DACH1: variants seen among roughly 807,000 people sequenced by gnomAD.
DACH1 encodes dachshund homolog 1.
Under a neutral mutation model 54.2 loss-of-function variants are expected in DACH1, and 12 were observed. The ratio of observed to expected loss-of-function variants is 0.22; its 90% CI spans 0.14 to 0.36. The LOEUF is 0.36. DACH1 is among the 10% of genes least tolerant of loss of function. DACH1 has a pLI of 1.00. For synonymous variants in DACH1, 386 were observed against 366.2 expected, an observed-to-expected ratio of 1.05 and a Z score of -0.62; for missense variants, 805 against 929.8, an observed-to-expected ratio of 0.87 and a Z score of 1.75.
At chr13:71,588,026 C>T (rs1046210127) in intron 3 of DACH1, among the ~76,000 whole-genome samples, 8 of 151,924 alleles carry the variant, frequency 5.3e-5, no homozygotes, top group East Asian at 3.9e-4. Flanking sequence ...CATGTGACAC[C>T]GTAAGTAATA....
intron 6 of DACH1, among the ~76,000 whole-genome samples, chr13:71,519,700 T>A (rs188188805): frequency 1.3e-5 from 2 of 151,024 alleles, no homozygotes; most frequent in East Asian, 3.9e-4. Flanking sequence ...AGATTTTTAA[T>A]GTTTTTATTA....
intron 1 of DACH1, among the ~76,000 whole-genome samples, chr13:71,819,894 G>T (rs890449566): frequency 1.3e-5 from 2 of 151,864 alleles, no homozygotes; most frequent in East Asian, 3.9e-4. Context: ...TGTGACAAAG[G>T]GTACTCGGGG....
intron 1 of DACH1, among the ~76,000 whole-genome samples, chr13:71,821,123 T>C (rs750413426): frequency 3.9e-5 from 6 of 152,218 alleles, no homozygotes. Context: ...GTATCTGGAA[T>C]GATAGCCGCA....
chr13:71,476,156 A>G (rs1490672719), intron 8 of DACH1, among the ~76,000 whole-genome samples: 1 of 152,198 alleles, frequency 6.6e-6, no homozygotes, highest in Non-Finnish European at 1.5e-5. Context: ...TGATAAAGGA[A>G]GCTTGATTAA....
chr13:71,840,584 C>T (rs1872770578), intron 1 of DACH1, among the ~76,000 whole-genome samples: 1 of 152,184 alleles, frequency 6.6e-6, no homozygotes, highest in South Asian at 2.1e-4. Flanking sequence ...TAGGCCTTTG[C>T]ATATTTATGT....
chr13:71,806,822 A>G (rs1401030598), intron 1 of DACH1, among the ~76,000 whole-genome samples: 1 of 152,202 alleles, frequency 6.6e-6, no homozygotes, highest in East Asian at 1.9e-4. Context: ...ATTTATTTAA[A>G]TTAGATCCAA....
chr13:71,555,234 G>A (rs942286850), intron 6 of DACH1, among the ~76,000 whole-genome samples: 9 of 152,066 alleles, frequency 5.9e-5, no homozygotes, highest in African/African-American at 2.2e-4. Context: ...CAACCCTAGT[G>A]GAGAATGATT....
intron 5 of DACH1, among the ~76,000 whole-genome samples, chr13:71,557,619 C>G (rs1161326116): frequency 6.6e-6 from 1 of 151,894 alleles, no homozygotes; most frequent in African/African-American, 2.4e-5. Context: ...ACATCAACAA[C>G]AAGTAATATT....
chr13:71,851,911 A>G (rs1364861123), intron 1 of DACH1, among the ~76,000 whole-genome samples: 1 of 152,186 alleles, frequency 6.6e-6, no homozygotes, highest in African/African-American at 2.4e-5. Context: ...AAAAGTTGAT[A>G]TGTGGTTTAG....
At chr13:71,815,978 G>A (rs971891508) in intron 1 of DACH1, among the ~76,000 whole-genome samples, 173 of 151,922 alleles carry the variant, frequency 1.1e-3, no homozygotes, top group African/African-American at 3.8e-3. Flanking sequence ...CCAGCTACTC[G>A]GGAGGCTGAG....
chr13:71,685,411 C>G (rs994993324), intron 1 of DACH1, among the ~76,000 whole-genome samples: 2 of 152,068 alleles, frequency 1.3e-5, no homozygotes, highest in South Asian at 4.2e-4. Flanking sequence ...GATGCCTTTG[C>G]GAAGAATGAA....
chr13:71,627,661 G>A (rs142542579), intron 3 of DACH1, among the ~76,000 whole-genome samples: 3 of 152,170 alleles, frequency 2.0e-5, no homozygotes, highest in Admixed American at 2.0e-4. Context: ...AGCACATCCT[G>A]TTATGACTGC....
chr13:71,624,404 T>G (rs2138551969), intron 3 of DACH1, among the ~76,000 whole-genome samples: 1 of 152,050 alleles, frequency 6.6e-6, no homozygotes, highest in East Asian at 1.9e-4. Context: ...TTAATTAAAC[T>G]ACTTATATAT....
chr13:71,484,985 G>T (rs113513626), intron 7 of DACH1, among the ~76,000 whole-genome samples: 2 of 151,952 alleles, frequency 1.3e-5, no homozygotes, highest in Admixed American at 6.6e-5. Flanking sequence ...TCACTTGAGA[G>T]GCGGAAGTTG....
At chr13:71,456,189 TTAATA>T (rs1227992192) in intron 10 of DACH1, among the ~76,000 whole-genome samples, 1 of 152,092 alleles carries the variant, frequency 6.6e-6, no homozygotes, top group Non-Finnish European at 1.5e-5. Flanking sequence ...CCAAACTTCT[TTAATA>T]TAATTTCAAA....
chr13:71,660,945 G>A lies in DACH1; in HGVS notation c.964+20850C>T, dbSNP rs12100362. Among the ~76,000 whole-genome samples the A allele has an allele frequency of 2.4e-3, 357 of 150,334 alleles. 2 individuals are homozygous for A. The highest frequency in any genetic ancestry group is 8.1e-3 in the African/African-American group (334 of 41,132). ...AGTGATAGACGTAACACTCTTTAGA[G>A]AGTATTATGGATAAAGTGATGAAAA... On this transcript the variant is annotated intron_variant, in intron 2 of 10. Transcript: ENST00000613252.
intron 10 of DACH1, among the ~76,000 whole-genome samples, chr13:71,441,444 C>T (rs1014946694): frequency 2.2e-4 from 33 of 152,108 alleles, no homozygotes; most frequent in Non-Finnish European, 2.2e-4. Flanking sequence ...AAGCATATTT[C>T]TCAAATATTT....
intron 2 of DACH1, among the ~76,000 whole-genome samples, chr13:71,674,504 A>C (rs921262105): frequency 6.6e-5 from 10 of 151,820 alleles, no homozygotes; most frequent in African/African-American, 2.4e-4. Flanking sequence ...ATTACCACAG[A>C]GTCAGAAATT....
chr13:71,673,130 T>C (rs1880304096), intron 2 of DACH1, among the ~76,000 whole-genome samples: 2 of 152,078 alleles, frequency 1.3e-5, no homozygotes, highest in South Asian at 2.1e-4. Context: ...GAGAAATAAA[T>C]TAGGGAAGAA....
Sources: gnomAD v4.1 joint callset for allele counts (sites outside exome capture counted in the v4.1 genomes callset) on GRCh38, gnomAD v4.1.1 for gene constraint, MANE v1.5 for transcripts, NCBI Gene and HGNC (gene_info 2026-07-23, HGNC 2026-07-21) for gene names.